The following GRM8 variants were observed in gnomAD, a reference collection of about 807,000 sequenced individuals.
The protein encoded by GRM8 is glutamate metabotropic receptor 8, also known as metabotropic glutamate receptor 8.
GRM8 carries 47 observed loss-of-function variants against 87.2 expected under a neutral mutation model. The observed-to-expected ratio is 0.54, with a 90% CI of 0.43 to 0.69. The LOEUF is 0.69. Among genes scored for constraint, GRM8 ranks in the 30% least tolerant of loss-of-function variants. GRM8 has a pLI of 0.00. For missense variants in GRM8, 1,019 were observed against 1,139.2 expected, an observed-to-expected ratio of 0.89 and a Z score of 1.52; for synonymous variants, 396 against 404.5, an observed-to-expected ratio of 0.98 and a Z score of 0.25.
In GRM8 at chr7:127,243,386, G is replaced by T; in HGVS notation, c.-182C>A. On this transcript the variant is annotated 5_prime_UTR_variant, in exon 2 of 11. Coordinates refer to ENST00000339582, the MANE Select transcript of GRM8 (RefSeq NM_000845.3). ...CAGTGAATTTCCATCAGACCCCTAA[G>T]GTTCAATTTTATTTCCTTATAAGAT... The T allele has an allele frequency of 3.5e-6, 2 of 575,738 alleles. No homozygotes were observed. Among genetic ancestry groups the T allele is most frequent in the South Asian group, 5.0e-5 (2 of 39,998 alleles). The allele number at this position is 575,738 out of a possible 1,614,324, so 35.7% of individuals were successfully genotyped here.
At chr7:126,560,767 T>C (rs1326685327) in intron 8 of GRM8, among the ~76,000 whole-genome samples, 1 of 152,200 alleles carries the variant, frequency 6.6e-6, no homozygotes, top group Non-Finnish European at 1.5e-5. Flanking sequence ...TGATGACATT[T>C]AGGAATGGGA....
chr7:126,546,006 T>C (rs1210983156), intron 8 of GRM8, among the ~76,000 whole-genome samples: 2 of 152,136 alleles, frequency 1.3e-5, no homozygotes, highest in Non-Finnish European at 2.9e-5. Flanking sequence ...ATGCAATCTA[T>C]AGAGGGTTAC....
intron 3 of GRM8, among the ~76,000 whole-genome samples, chr7:127,006,432 T>TAAA (rs1814313354): frequency 2.0e-5 from 3 of 152,002 alleles, no homozygotes; most frequent in Non-Finnish European, 4.4e-5. Context: ...CTTCCGTCCA[T>TAAA]TTATCTGCTT....
intron 7 of GRM8, among the ~76,000 whole-genome samples, chr7:126,712,770 A>G (rs1320875026): frequency 1.3e-5 from 2 of 152,320 alleles, no homozygotes; most frequent in South Asian, 2.1e-4. Flanking sequence ...ACCCCATCAA[A>G]AAGTGGGCAA....
At chr7:126,961,292 G>C (rs150360953) in intron 3 of GRM8, among the ~76,000 whole-genome samples, 26 of 152,116 alleles carry the variant, frequency 1.7e-4, no homozygotes, top group Non-Finnish European at 3.4e-4. Flanking sequence ...TTGATCAAAG[G>C]GTTTTGTAAA....
intron 2 of GRM8, among the ~76,000 whole-genome samples, chr7:127,136,433 A>G (rs1827948790): frequency 1.3e-5 from 2 of 152,202 alleles, no homozygotes; most frequent in Non-Finnish European, 2.9e-5. Flanking sequence ...GCTAGTATCC[A>G]TAATAGTACC....
intron 2 of GRM8, among the ~76,000 whole-genome samples, chr7:127,124,735 G>T (rs577372936): frequency 6.6e-6 from 1 of 152,226 alleles, no homozygotes; most frequent in South Asian, 2.1e-4. Context: ...TGATTGCACA[G>T]ACTTGCGCTT....
At chr7:126,935,018 G>A (rs909349285) in intron 3 of GRM8, among the ~76,000 whole-genome samples, 6 of 152,150 alleles carry the variant, frequency 3.9e-5, no homozygotes, top group Admixed American at 1.3e-4. Flanking sequence ...TACATGTAAA[G>A]AATGCAGAAA....
chr7:126,802,442 T>C (rs1435854771), intron 6 of GRM8, among the ~76,000 whole-genome samples: 3 of 152,158 alleles, frequency 2.0e-5, no homozygotes, highest in African/African-American at 7.2e-5. Flanking sequence ...TGTCTTTCTG[T>C]GCCTGGCTTA....
intron 9 of GRM8, among the ~76,000 whole-genome samples, chr7:126,473,696 G>GT (rs1193691495): frequency 1.3e-5 from 2 of 152,104 alleles, no homozygotes; most frequent in Non-Finnish European, 2.9e-5. Context: ...TAGGCTTTGT[G>GT]TCCCCACCCA....
intron 7 of GRM8, among the ~76,000 whole-genome samples, chr7:126,729,891 C>T (rs1043768264): frequency 6.6e-6 from 1 of 152,152 alleles, no homozygotes; most frequent in Non-Finnish European, 1.5e-5. Flanking sequence ...GCTACCTCTA[C>T]TACATTAACT....
intron 9 of GRM8, among the ~76,000 whole-genome samples, chr7:126,509,231 T>C (rs1810958107): frequency 6.6e-6 from 1 of 152,030 alleles, no homozygotes; most frequent in African/African-American, 2.4e-5. Flanking sequence ...AATATCGAAA[T>C]AGGTAGGTTA....
chr7:126,629,756 T>C (rs577314527), intron 7 of GRM8, among the ~76,000 whole-genome samples: 2 of 152,306 alleles, frequency 1.3e-5, no homozygotes, highest in Admixed American at 6.5e-5. Context: ...GTGATAGATG[T>C]GAATTGTCTA....
intron 3 of GRM8, among the ~76,000 whole-genome samples, chr7:126,965,566 A>G (rs972038781): frequency 6.6e-6 from 1 of 152,150 alleles, no homozygotes; most frequent in Non-Finnish European, 1.5e-5. Flanking sequence ...TTAGTATAAT[A>G]AAGTTATTTT....
rs80130440 is a variant in GRM8, at chr7:126,720,067, C to A, written c.1357+49798G>T. 1.1e-4 allele frequency among the ~76,000 whole-genome samples: 17 copies of A among 152,018 alleles called. No individual in the cohort carries two copies. The East Asian group carries it at 3.3e-3, about 29-fold the overall frequency. On this transcript the variant is annotated intron_variant, in intron 7 of 10. Coordinates refer to ENST00000339582, the MANE Select transcript of GRM8 (RefSeq NM_000845.3). ...TTTCTTACTTGTCACTCCCTCCTCT[C>A]CTTCTGCTTCTTACCTTCCTTTCTT...
chr7:126,726,239 G>T (rs1444482219), intron 7 of GRM8, among the ~76,000 whole-genome samples: 1 of 151,746 alleles, frequency 6.6e-6, no homozygotes, highest in Non-Finnish European at 1.5e-5. Context: ...AAACGTAGAG[G>T]ATAGGGAAGT....
At chr7:126,783,038 C>T (rs775768588) in intron 6 of GRM8, among the ~76,000 whole-genome samples, 7 of 152,138 alleles carry the variant, frequency 4.6e-5, no homozygotes, top group African/African-American at 9.7e-5. Flanking sequence ...CAGACATCTT[C>T]AGGGATGCAA....
intron 7 of GRM8, among the ~76,000 whole-genome samples, chr7:126,696,785 A>G (rs1233868197): frequency 4.6e-5 from 7 of 152,126 alleles, no homozygotes; most frequent in African/African-American, 1.7e-4. Flanking sequence ...ATTATTGTAG[A>G]CAGTTTACTG....
At chr7:127,055,022 T>C (rs1258001709) in intron 3 of GRM8, among the ~76,000 whole-genome samples, 1 of 152,008 alleles carries the variant, frequency 6.6e-6, no homozygotes, top group Non-Finnish European at 1.5e-5. Flanking sequence ...TTAGGTACAA[T>C]AATAGAAACA....
Sources: gnomAD v4.1 joint callset for allele counts (sites outside exome capture counted in the v4.1 genomes callset) on GRCh38, gnomAD v4.1.1 for gene constraint, MANE v1.5 for transcripts, NCBI Gene and HGNC (gene_info 2026-07-23, HGNC 2026-07-21) for gene names.